Variants in ATP2B2 observed in about 807,000 individuals in gnomAD.
ATP2B2 encodes the protein plasma membrane calcium-transporting ATPase 2.
Under a neutral mutation model 120.0 loss-of-function variants are expected in ATP2B2, and 15 were observed. The ratio of observed to expected loss-of-function variants is 0.12; its 90% confidence interval spans 0.08 to 0.19. ATP2B2 has a LOEUF of 0.19. Ranked by LOEUF, ATP2B2 falls within the 10% of genes least tolerant of loss-of-function variation. ATP2B2 has a pLI of 1.00. For missense variants in ATP2B2, 1,045 were observed against 1,719.8 expected (o/e 0.61, Z 6.94); for synonymous variants, 694 against 700.3 (o/e 0.99, Z 0.14).
At chr3:10,529,153 G>A (rs755397582) in intron 3 of ATP2B2, among the ~76,000 whole-genome samples, 6 of 152,242 alleles carry the variant, frequency 3.9e-5, no homozygotes, top group Non-Finnish European at 8.8e-5. Context: ...TGATGAGAGG[G>A]AGTAGGGGCT....
At chr3:10,699,379 T>C (rs927955575) in intron 1 of ATP2B2, among the ~76,000 whole-genome samples, 9 of 152,260 alleles carry the variant, frequency 5.9e-5, no homozygotes, top group African/African-American at 1.9e-4. Context: ...AAATATAAGG[T>C]AGAAGTATAT....
chr3:10,642,217 T>A (rs772178767), intron 1 of ATP2B2, among the ~76,000 whole-genome samples: 1 of 152,224 alleles, frequency 6.6e-6, no homozygotes, highest in Non-Finnish European at 1.5e-5. Context: ...TTTCCTCATC[T>A]ATAAAATAGG....
intron 2 of ATP2B2, among the ~76,000 whole-genome samples, chr3:10,590,832 C>A (rs2068627292): frequency 6.6e-6 from 1 of 152,134 alleles, no homozygotes. Flanking sequence ...AACTGAGGAC[C>A]AAGTTTCAAA....
At chr3:10,345,015 G>A (rs1221792287) in intron 18 of ATP2B2, among the ~76,000 whole-genome samples, 1 of 152,170 alleles carries the variant, frequency 6.6e-6, no homozygotes, top group East Asian at 1.9e-4. Context: ...ATCCCCCTTG[G>A]GCCCTGGCCT....
At chr3:10,591,872 C>T (rs933593337) in intron 2 of ATP2B2, among the ~76,000 whole-genome samples, 2 of 152,154 alleles carry the variant, frequency 1.3e-5, no homozygotes, top group African/African-American at 4.8e-5. Flanking sequence ...TCCAGGGCAT[C>T]TTCATCAGCC....
chr3:10,514,989 G>C (rs2066848906), intron 3 of ATP2B2, among the ~76,000 whole-genome samples: 1 of 152,206 alleles, frequency 6.6e-6, no homozygotes, highest in South Asian at 2.1e-4. Context: ...CCCAGGGGCT[G>C]GTTAGCAGTA....
At chr3:10,355,510 G>A (rs1333642115) in intron 14 of ATP2B2, among the ~76,000 whole-genome samples, 1 of 152,182 alleles carries the variant, frequency 6.6e-6, no homozygotes, top group Non-Finnish European at 1.5e-5. Context: ...TCAGAGCTTG[G>A]GAGGGACCCA....
At position 10,337,089 on chromosome 3, in the gene ATP2B2, C is replaced by T. The variant is rs997291184; in HGVS notation, c.3420+1087G>A. ...CCGGGTCTGAAACCGGCTTCCAGTC[C>T]CCACCCCAGCTGTGCCAGCTCAGTA... is the stretch of plus-strand genomic sequence containing the variant. On this transcript the variant is annotated intron_variant, in intron 22 of 22. Coordinates refer to ENST00000360273, the MANE Select transcript of ATP2B2 (RefSeq NM_001001331.4). 1.7e-4 allele frequency among the ~76,000 whole-genome samples: 26 copies of T among 152,268 alleles called. 1 individual carries two copies. Among genetic ancestry groups the T allele is most frequent in the Admixed American group, 1.2e-3 (19 of 15,304 alleles).
chr3:10,701,462 C>T (rs1428783814), intron 1 of ATP2B2, among the ~76,000 whole-genome samples: 1 of 152,192 alleles, frequency 6.6e-6, no homozygotes, highest in Non-Finnish European at 1.5e-5. Flanking sequence ...ACAGCAATCA[C>T]TTAGGCAAGG....
intron 1 of ATP2B2, among the ~76,000 whole-genome samples, chr3:10,681,897 G>C (rs2071392919): frequency 6.6e-6 from 1 of 152,200 alleles, no homozygotes; most frequent in South Asian, 2.1e-4. Flanking sequence ...ATTTGGTATA[G>C]AGAATTCATG....
intron 1 of ATP2B2, among the ~76,000 whole-genome samples, chr3:10,497,546 C>G (rs756954124): frequency 3.3e-5 from 5 of 152,198 alleles, no homozygotes; most frequent in Non-Finnish European, 5.9e-5. Context: ...GTCCTAAGCA[C>G]TTTAATTTTA....
intron 2 of ATP2B2, among the ~76,000 whole-genome samples, chr3:10,615,038 T>C (rs773788648): frequency 3.3e-5 from 5 of 152,042 alleles, no homozygotes; most frequent in South Asian, 2.1e-4. Flanking sequence ...GTGAGAAGCA[T>C]TGGAGACATG....
At chr3:10,649,667 T>C (rs116778071) in intron 1 of ATP2B2, among the ~76,000 whole-genome samples, 3,552 of 152,252 alleles carry the variant, frequency 0.023, 68 homozygotes, top group South Asian at 0.086. Flanking sequence ...TGGATGGTGA[T>C]ATGGTTTGGC....
At chr3:10,503,957 C>G (rs989726780) in intron 1 of ATP2B2, among the ~76,000 whole-genome samples, 5 of 152,154 alleles carry the variant, frequency 3.3e-5, no homozygotes, top group Admixed American at 3.3e-4. Flanking sequence ...TGTTCAGGAA[C>G]GTGGGTTGTA....
chr3:10,665,455 C>CAGCAAGCACAACTT (rs1175679848), intron 1 of ATP2B2, among the ~76,000 whole-genome samples: 1 of 152,174 alleles, frequency 6.6e-6, no homozygotes, highest in East Asian at 1.9e-4. Context: ...ACCTATCTCT[C>CAGCAAGCACAACTT]AGCAAGCACA....
chr3:10,349,109 C>T (rs1046518985), intron 16 of ATP2B2, among the ~76,000 whole-genome samples: 1 of 152,158 alleles, frequency 6.6e-6, no homozygotes, highest in African/African-American at 2.4e-5. Flanking sequence ...TGGGATTTGC[C>T]CAAGGCCACA....
At chr3:10,591,478 C>T (rs926382187) in intron 2 of ATP2B2, among the ~76,000 whole-genome samples, 9 of 152,102 alleles carry the variant, frequency 5.9e-5, no homozygotes, top group East Asian at 5.8e-4. Context: ...ACCACTGTGG[C>T]GCCCTGCTCT....
chr3:10,689,030 A>C (rs947212310), intron 1 of ATP2B2, among the ~76,000 whole-genome samples: 1 of 152,206 alleles, frequency 6.6e-6, no homozygotes, highest in Non-Finnish European at 1.5e-5. Flanking sequence ...TTTGGATTGC[A>C]TGTGAGGGTT....
At position 10,326,828 on chromosome 3, in the gene ATP2B2, G is replaced by A. The variant is rs565120413; in HGVS notation, c.*1986C>T. 2 of 399,022 alleles carry A rather than the reference G, an allele frequency of 5.0e-6. No homozygotes were observed. The highest frequency in any genetic ancestry group is 2.5e-4 in the South Asian group (2 of 7,852). The allele number at this position is 399,022 out of a possible 1,614,324, so 24.7% of individuals were successfully genotyped here. On this transcript the variant is annotated 3_prime_UTR_variant, in exon 23 of 23. Coordinates refer to ENST00000360273, the MANE Select transcript of ATP2B2 (RefSeq NM_001001331.4). ...CAAGTTTTTCCACCGCCATCCAGAT[G>A]TAGGCCCTCCCAGTTGACTATGGCT...
Sources: gnomAD v4.1 joint callset for allele counts (sites outside exome capture counted in the v4.1 genomes callset) on GRCh38, gnomAD v4.1.1 for gene constraint, MANE v1.5 for transcripts, NCBI Gene and HGNC (gene_info 2026-07-23, HGNC 2026-07-21) for gene names.